Variants in GRM5 observed in about 807,000 individuals in gnomAD.
GRM5 encodes metabotropic glutamate receptor 5.
GRM5 carries 19 observed loss-of-function variants against 83.1 expected under a neutral mutation model. That is an observed-to-expected ratio of 0.23 (90% CI 0.16 to 0.34). The LOEUF (loss-of-function observed/expected upper bound fraction) is 0.34. Among genes scored for constraint, GRM5 ranks in the 10% least tolerant of loss-of-function variants. The probability of loss-of-function intolerance (pLI) is 1.00; values close to 1 mark genes in which losing one functional copy is unlikely to be tolerated. For missense variants in GRM5, 1,160 were observed against 1,588.3 expected, an observed-to-expected ratio of 0.73 and a Z score of 4.58; for synonymous variants, 675 against 633.6, an observed-to-expected ratio of 1.07 and a Z score of -0.98.
intron 3 of GRM5, among the ~76,000 whole-genome samples, chr11:88,777,927 G>A (rs1268602192): frequency 1.3e-5 from 2 of 152,166 alleles, no homozygotes; most frequent in Non-Finnish European, 2.9e-5. Flanking sequence ...CCCACTTAAG[G>A]AGGCAGTCTG....
chr11:88,848,394 A>G (rs1944333308), intron 3 of GRM5, among the ~76,000 whole-genome samples: 1 of 152,214 alleles, frequency 6.6e-6, no homozygotes, highest in Non-Finnish European at 1.5e-5. Flanking sequence ...AGCTGGAGCT[A>G]AGTCTGATCA....
chr11:88,903,522 T>A (rs545429420), intron 2 of GRM5, among the ~76,000 whole-genome samples: 1 of 152,228 alleles, frequency 6.6e-6, no homozygotes, highest in African/African-American at 2.4e-5. Flanking sequence ...GATGATTGGA[T>A]AAAGAAAATG....
At chr11:88,907,262 T>C (rs1234638149) in intron 2 of GRM5, among the ~76,000 whole-genome samples, 1 of 152,116 alleles carries the variant, frequency 6.6e-6, no homozygotes, top group African/African-American at 2.4e-5. Flanking sequence ...ATCACTGAGT[T>C]TTCCTGAAAG....
chr11:88,648,419 C>T (rs1404451791), intron 4 of GRM5, among the ~76,000 whole-genome samples: 62 of 134,698 alleles, frequency 4.6e-4, no homozygotes, highest in Admixed American at 1.2e-3. Flanking sequence ...AACCAAACAC[C>T]GCATATTCTC....
chr11:88,853,265 A>G (rs2135543588), intron 2 of GRM5, among the ~76,000 whole-genome samples: 1 of 152,246 alleles, frequency 6.6e-6, no homozygotes, highest in Non-Finnish European at 1.5e-5. Flanking sequence ...ACCTATAGAC[A>G]AATGGAAAAA....
intron 3 of GRM5, among the ~76,000 whole-genome samples, chr11:88,790,300 T>G (rs1018388329): frequency 6.6e-6 from 1 of 152,248 alleles, no homozygotes; most frequent in African/African-American, 2.4e-5. Context: ...CATCACACAC[T>G]GCACAGTGTT....
chr11:88,948,250 A>G (rs1188541260), intron 2 of GRM5, among the ~76,000 whole-genome samples: 5 of 152,188 alleles, frequency 3.3e-5, no homozygotes, highest in Admixed American at 3.3e-4. Context: ...TAGTGTTTTA[A>G]AGCATTAAGA....
At chr11:88,620,107 C>G (rs1346767551) in intron 4 of GRM5, among the ~76,000 whole-genome samples, 2 of 152,200 alleles carry the variant, frequency 1.3e-5, no homozygotes, top group African/African-American at 4.8e-5. Context: ...TATGCTCCCA[C>G]AGAAATGTGT....
intron 3 of GRM5, among the ~76,000 whole-genome samples, chr11:88,742,530 C>G (rs942792212): frequency 2.0e-5 from 3 of 151,976 alleles, no homozygotes; most frequent in Non-Finnish European, 4.4e-5. Flanking sequence ...ATTTGCTAAC[C>G]AAGGGAGAGC....
At chr11:88,773,900 T>G (rs1942791603) in intron 3 of GRM5, among the ~76,000 whole-genome samples, 1 of 152,236 alleles carries the variant, frequency 6.6e-6, no homozygotes, top group African/African-American at 2.4e-5. Context: ...CCTCTAGCTT[T>G]GTTCTTTTTG....
chr11:89,032,160 A>G (rs1421904006), intron 2 of GRM5, among the ~76,000 whole-genome samples: 2 of 152,090 alleles, frequency 1.3e-5, no homozygotes, highest in African/African-American at 2.4e-5. Context: ...GACACCTGAT[A>G]AATTTCATGT....
At chr11:88,731,716 T>G (rs1941812624) in intron 3 of GRM5, among the ~76,000 whole-genome samples, 1 of 151,982 alleles carries the variant, frequency 6.6e-6, no homozygotes, top group Admixed American at 6.6e-5. Context: ...TTACAGAAAT[T>G]AACTGAAAGA....
intron 3 of GRM5, among the ~76,000 whole-genome samples, chr11:88,833,182 T>G (rs527972793): frequency 9.5e-4 from 145 of 152,034 alleles, no homozygotes; most frequent in Middle Eastern, 3.4e-3. Context: ...AGATAACCTG[T>G]TGAATGGAAG....
intron 4 of GRM5, among the ~76,000 whole-genome samples, chr11:88,625,634 A>T (rs1424647584): frequency 6.6e-6 from 1 of 152,114 alleles, no homozygotes; most frequent in Non-Finnish European, 1.5e-5. Context: ...TTGGAGAGAA[A>T]GGGAGGGGGG....
rs773404213 is a variant in GRM5 at position 88,653,202 on chromosome 11, T to C, written c.1113A>G (p.Pro371=). 1.6e-5 allele frequency: 26 copies of C among 1,611,270 alleles called. No individual in the cohort carries two copies. The East Asian group carries it at 5.6e-4, about 35-fold the overall frequency. The change falls in exon 4 of 10, where the codon CCA becomes CCG. Residue 371 remains proline (P), a synonymous_variant. Transcript: ENST00000305447. ...TCTTGTTGTATTTGCTGTTCTCCTG[T>C]GGAAACCCTTCCAGTCGGCACTGAA... is the stretch of plus-strand genomic sequence containing the variant. ...HRFQCRLEGF[P]QENSKYNKTC...
At chr11:88,651,745 T>C (rs1006764278) in intron 4 of GRM5, among the ~76,000 whole-genome samples, 6 of 152,070 alleles carry the variant, frequency 3.9e-5, no homozygotes, top group African/African-American at 1.4e-4. Flanking sequence ...TTTCTGGATT[T>C]CATTGATGGG....
intron 2 of GRM5, among the ~76,000 whole-genome samples, chr11:89,021,714 C>T (rs1380522028): frequency 1.3e-5 from 2 of 152,234 alleles, no homozygotes; most frequent in Non-Finnish European, 2.9e-5. Context: ...AAGAATTGAG[C>T]TTTAAACTCT....
chr11:88,873,734 T>C (rs1944805824), intron 2 of GRM5, among the ~76,000 whole-genome samples: 1 of 151,682 alleles, frequency 6.6e-6, no homozygotes. Context: ...GGAAAGTTTA[T>C]AGCAAAAACA....
At chr11:88,850,772 TTTATC>T (rs1443092782) in intron 2 of GRM5, among the ~76,000 whole-genome samples, 4 of 152,040 alleles carry the variant, frequency 2.6e-5, no homozygotes, top group African/African-American at 9.7e-5. Flanking sequence ...CATTTACAGT[TTTATC>T]CTATACAACC....
Sources: allele counts gnomAD v4.1 joint callset (sites outside exome capture counted in the v4.1 genomes callset), GRCh38; gene constraint gnomAD v4.1.1; transcripts MANE v1.5; gene names NCBI Gene and HGNC (gene_info 2026-07-23, HGNC 2026-07-21).